NDUFAF2: variants seen among roughly 807,000 people sequenced by gnomAD.
The protein encoded by NDUFAF2 is NADH dehydrogenase [ubiquinone] 1 alpha subcomplex assembly factor 2.
Under a neutral mutation model 22.8 loss-of-function variants are expected in NDUFAF2, and 13 were observed. The ratio of observed to expected loss-of-function variants is 0.57; its 90% confidence interval spans 0.37 to 0.91. The LOEUF is 0.91. Ranked by LOEUF, NDUFAF2 falls within the 40% of genes least tolerant of loss-of-function variation. The pLI, the probability that NDUFAF2 is intolerant of heterozygous loss-of-function variation, is 0.01. For synonymous variants in NDUFAF2, 53 were observed against 64.2 expected (o/e 0.83, Z 0.84); for missense variants, 162 against 195.2 (o/e 0.83, Z 1.01).
intron 2 of NDUFAF2, among the ~76,000 whole-genome samples, chr5:61,095,173 G>C (rs1053269216): frequency 1.3e-5 from 2 of 152,168 alleles, no homozygotes; most frequent in South Asian, 4.1e-4. Flanking sequence ...AGGGTGGCTG[G>C]AGGCCCCAGT....
intron 1 of NDUFAF2, among the ~76,000 whole-genome samples, chr5:61,001,442 C>T (rs915073128): frequency 7.9e-5 from 12 of 152,032 alleles, no homozygotes; most frequent in Admixed American, 2.6e-4. Context: ...TAGTTCATCA[C>T]GCTTATGTGC....
chr5:61,086,185 A>G (rs981789741), intron 2 of NDUFAF2, among the ~76,000 whole-genome samples: 1 of 152,162 alleles, frequency 6.6e-6, no homozygotes, highest in Non-Finnish European at 1.5e-5. Flanking sequence ...AGAAGACTTA[A>G]ATAGAGAGAT....
intron 3 of NDUFAF2, among the ~76,000 whole-genome samples, chr5:61,113,537 T>C (rs1312136682): frequency 6.6e-6 from 1 of 152,140 alleles, no homozygotes; most frequent in Non-Finnish European, 1.5e-5. Context: ...AATTGCATCA[T>C]AGGGGTGGTT....
At chr5:61,133,580 A>T (rs1040580583) in intron 3 of NDUFAF2, among the ~76,000 whole-genome samples, 3 of 152,096 alleles carry the variant, frequency 2.0e-5, no homozygotes, top group Non-Finnish European at 2.9e-5. Flanking sequence ...TAAGCAATTT[A>T]AAAAAAGGAC....
At chr5:60,978,311 A>G (rs1322835632) in intron 1 of NDUFAF2, among the ~76,000 whole-genome samples, 1 of 152,156 alleles carries the variant, frequency 6.6e-6, no homozygotes, top group African/African-American at 2.4e-5. Flanking sequence ...AGACAGTTGT[A>G]TTAGTCTGTT....
chr5:61,048,132 T>TAA (rs1279191079), intron 1 of NDUFAF2, among the ~76,000 whole-genome samples: 1 of 152,148 alleles, frequency 6.6e-6, no homozygotes, highest in Non-Finnish European at 1.5e-5. Context: ...ATCTAATACT[T>TAA]TTTTTAAGTT....
At chr5:61,084,888 A>G (rs1198017102) in intron 2 of NDUFAF2, among the ~76,000 whole-genome samples, 1 of 152,200 alleles carries the variant, frequency 6.6e-6, no homozygotes, top group Non-Finnish European at 1.5e-5. Flanking sequence ...AGAATGATAT[A>G]TATAGAAGAT....
At chr5:60,975,967 A>T (rs909966392) in intron 1 of NDUFAF2, among the ~76,000 whole-genome samples, 3 of 152,230 alleles carry the variant, frequency 2.0e-5, no homozygotes, top group Admixed American at 2.0e-4. Flanking sequence ...CAATACTTTT[A>T]AATTAGTCTT....
intron 1 of NDUFAF2, among the ~76,000 whole-genome samples, chr5:61,028,322 A>G (rs1232618230): frequency 1.3e-5 from 2 of 152,076 alleles, no homozygotes; most frequent in Non-Finnish European, 2.9e-5. Context: ...CACATTCAAT[A>G]TTAGAAGTCT....
intron 1 of NDUFAF2, 66 bp from the exon 2 acceptor site, chr5:61,073,059 G>A (rs1752320578): frequency 1.0e-6 from 1 of 974,248 alleles, no homozygotes; most frequent in African/African-American, 1.6e-5. Flanking sequence ...AATATTCAAA[G>A]ATTAATTGTA....
At chr5:61,093,043 T>A (rs749531663) in intron 2 of NDUFAF2, among the ~76,000 whole-genome samples, 13 of 152,094 alleles carry the variant, frequency 8.5e-5, no homozygotes, top group Non-Finnish European at 1.5e-4. Context: ...CTGGTGTAAG[T>A]TCAAGAATCT....
chr5:61,022,816 T>C (rs1284279339), intron 1 of NDUFAF2, among the ~76,000 whole-genome samples: 2 of 152,204 alleles, frequency 1.3e-5, no homozygotes, highest in African/African-American at 4.8e-5. Context: ...AGCTAATTTT[T>C]GTATTTTTAG....
rs560874833 is a variant in NDUFAF2 at position 61,111,561 on chromosome 5, C to G, written c.258+12529C>G. On this transcript the variant is annotated intron_variant, in intron 3 of 3. Transcript: ENST00000296597. ...AAGCGATCCTCCCACCTCAGCCCCC[C>G]AAGTAGCTGGGACCACAGGTGCTCG... Among the ~76,000 whole-genome samples the G allele has an allele frequency of 4.6e-5, 7 of 152,198 alleles. No individual in the cohort carries two copies. In the South Asian group the frequency reaches 1.2e-3, roughly 27 times the overall value.
At chr5:61,074,491 G>T (rs1752341557) in intron 2 of NDUFAF2, among the ~76,000 whole-genome samples, 1 of 152,178 alleles carries the variant, frequency 6.6e-6, no homozygotes, top group Admixed American at 6.5e-5. Flanking sequence ...GGAGGCTGAG[G>T]CAGGAGAATC....
intron 1 of NDUFAF2, among the ~76,000 whole-genome samples, chr5:61,007,544 T>A (rs910839461): frequency 9.2e-5 from 14 of 152,034 alleles, no homozygotes; most frequent in African/African-American, 3.1e-4. Flanking sequence ...AAAAAACATA[T>A]GAAAAAATGA....
intron 1 of NDUFAF2, among the ~76,000 whole-genome samples, chr5:61,070,990 C>CT (rs1752291808): frequency 6.6e-6 from 1 of 152,078 alleles, no homozygotes; most frequent in Non-Finnish European, 1.5e-5. Flanking sequence ...CGGTATTTGA[C>CT]TAACACATTT....
intron 1 of NDUFAF2, among the ~76,000 whole-genome samples, chr5:61,016,803 T>C (rs1372290289): frequency 6.6e-6 from 1 of 152,168 alleles, no homozygotes; most frequent in Non-Finnish European, 1.5e-5. Context: ...TCGATAATAA[T>C]TGAGTCTCAG....
At chr5:61,027,686 C>G (rs889103774) in intron 1 of NDUFAF2, among the ~76,000 whole-genome samples, 1 of 151,916 alleles carries the variant, frequency 6.6e-6, no homozygotes, top group African/African-American at 2.4e-5. Context: ...TTGCCCACCC[C>G]ACTTGAGAAT....
At chr5:61,017,112 TC>T (rs1366308194) in intron 1 of NDUFAF2, among the ~76,000 whole-genome samples, 1 of 152,240 alleles carries the variant, frequency 6.6e-6, no homozygotes, top group Non-Finnish European at 1.5e-5. Context: ...CTTGCTTTTT[TC>T]TATTCGAATG....
Sources: gnomAD v4.1 joint callset for allele counts (sites outside exome capture counted in the v4.1 genomes callset) on GRCh38, gnomAD v4.1.1 for gene constraint, MANE v1.5 for transcripts, NCBI Gene and HGNC (gene_info 2026-07-23, HGNC 2026-07-21) for gene names.